Variants in RNF150 observed in about 807,000 individuals in gnomAD.
RNF150 encodes ring finger protein 150.
Under a neutral mutation model 39.3 loss-of-function variants are expected in RNF150, and 24 were observed. The ratio of observed to expected loss-of-function variants is 0.61; its 90% CI spans 0.44 to 0.86. The LOEUF (loss-of-function observed/expected upper bound fraction) is 0.86. Among genes scored for constraint, RNF150 ranks in the 40% least tolerant of loss-of-function variants. The probability of loss-of-function intolerance (pLI) is 0.00; values close to 1 mark genes in which losing one functional copy is unlikely to be tolerated. For missense variants in RNF150, 502 were observed against 587.8 expected, an observed-to-expected ratio of 0.85 and a Z score of 1.51; for synonymous variants, 255 against 227.3, an observed-to-expected ratio of 1.12 and a Z score of -1.10.
At position 141,101,615 on chromosome 4, in the gene RNF150, T is replaced by C. The variant is rs142666910; in HGVS notation, c.484+30710A>G. ...AATCTGTAACATAGCTTTATTATTA[T>C]GTACTGTACATAATTGTATGTGCTA... On this transcript the variant is annotated intron_variant, in intron 1 of 6. Transcript: ENST00000515673. Among the ~76,000 whole-genome samples, 466 of 152,346 alleles carry C rather than the reference T, an allele frequency of 3.1e-3. 1 individual carries two copies. The highest frequency in any genetic ancestry group is 9.9e-3 in the African/African-American group (413 of 41,580).
intron 1 of RNF150, among the ~76,000 whole-genome samples, chr4:141,189,712 C>A (rs1375959241): frequency 6.6e-6 from 1 of 152,134 alleles, no homozygotes; most frequent in African/African-American, 2.4e-5. Context: ...GGGAAAACTA[C>A]CTACTCCAGC....
At chr4:140,938,719 A>C (rs183961443) in intron 4 of RNF150, among the ~76,000 whole-genome samples, 2 of 152,274 alleles carry the variant, frequency 1.3e-5, no homozygotes, top group South Asian at 2.1e-4. Flanking sequence ...CTTGTTTAGA[A>C]AGCTTTACCA....
intron 1 of RNF150, among the ~76,000 whole-genome samples, chr4:141,157,229 T>G (rs1485571785): frequency 6.6e-6 from 1 of 152,032 alleles, no homozygotes; most frequent in African/African-American, 2.4e-5. Flanking sequence ...CCCCCAAAAA[T>G]GTAGGGGTGT....
intron 2 of RNF150, among the ~76,000 whole-genome samples, chr4:140,951,578 A>C (rs1732543282): frequency 6.6e-6 from 1 of 151,376 alleles, no homozygotes; most frequent in Non-Finnish European, 1.5e-5. Context: ...CAAGGAAAAC[A>C]ACCTGAGAAA....
intron 1 of RNF150, among the ~76,000 whole-genome samples, chr4:141,201,459 C>T (rs1041637313): frequency 2.6e-5 from 4 of 152,242 alleles, no homozygotes; most frequent in East Asian, 3.9e-4. Flanking sequence ...TCTGAAGACA[C>T]TGTATGAATG....
At chr4:141,101,956 A>G (rs1318993059) in intron 1 of RNF150, among the ~76,000 whole-genome samples, 1 of 151,812 alleles carries the variant, frequency 6.6e-6, no homozygotes, top group African/African-American at 2.4e-5. Context: ...TTATTTTTGT[A>G]TTTTTAGTAG....
At chr4:141,204,897 T>C (rs1171183945) in intron 1 of RNF150, among the ~76,000 whole-genome samples, 3 of 152,194 alleles carry the variant, frequency 2.0e-5, no homozygotes, top group South Asian at 2.1e-4. Flanking sequence ...AAGGACCTTT[T>C]TCATATAAGC....
chr4:141,126,022 C>T (rs1726742435), intron 1 of RNF150, among the ~76,000 whole-genome samples: 2 of 151,996 alleles, frequency 1.3e-5, no homozygotes, highest in African/African-American at 2.4e-5. Flanking sequence ...ATAACAGAGT[C>T]TAGAATTCCT....
chr4:141,165,672 A>G (rs1727587502), intron 1 of RNF150, among the ~76,000 whole-genome samples: 1 of 152,192 alleles, frequency 6.6e-6, no homozygotes. Context: ...CTACATGGAA[A>G]CTGAACAACC....
intron 5 of RNF150, among the ~76,000 whole-genome samples, chr4:140,913,131 C>A (rs757118867): frequency 1.6e-4 from 24 of 152,016 alleles, no homozygotes; most frequent in Non-Finnish European, 3.1e-4. Context: ...TGTGGTGGTG[C>A]GCACCTGTAG....
intron 1 of RNF150, among the ~76,000 whole-genome samples, chr4:141,153,188 G>C (rs1727329406): frequency 1.3e-5 from 2 of 152,076 alleles, no homozygotes; most frequent in South Asian, 4.1e-4. Context: ...GGGAGGGAGG[G>C]TTAATACAGT....
At chr4:141,062,028 C>T (rs1737250098) in intron 1 of RNF150, among the ~76,000 whole-genome samples, 1 of 152,090 alleles carries the variant, frequency 6.6e-6, no homozygotes. Context: ...ACACTAAATA[C>T]TTTTCCCAAA....
rs561795158 is a variant in RNF150, at chr4:141,145,394, A to G, written c.-6+67400T>C. Among the ~76,000 whole-genome samples the G allele has an allele frequency of 3.6e-3, 556 of 152,386 alleles. 3 individuals carry two copies. The highest frequency in any genetic ancestry group is 0.013 in the African/African-American group (524 of 41,598). The stretch of plus-strand genomic sequence containing the variant: ...GTGGAATATTATGAAGGCTAGCTTA[A>G]TATGATGCTGGAATAAAGAAATAAC... On this transcript the variant is annotated intron_variant, in intron 1 of 7. Transcript: ENST00000420921.
intron 1 of RNF150, among the ~76,000 whole-genome samples, chr4:141,129,193 A>G (rs1389091255): frequency 1.3e-5 from 2 of 152,262 alleles, no homozygotes; most frequent in African/African-American, 4.8e-5. Flanking sequence ...ATAACAATTA[A>G]AAGGTAGAAA....
chr4:140,909,336 A>G (rs143204163), intron 6 of RNF150, among the ~76,000 whole-genome samples: 61 of 152,324 alleles, frequency 4.0e-4, no homozygotes, highest in Admixed American at 7.8e-4. Flanking sequence ...GGCTAGTTAA[A>G]ATTAGTTTTA....
intron 2 of RNF150, among the ~76,000 whole-genome samples, chr4:140,960,324 T>C (rs1732969920): frequency 6.6e-6 from 1 of 152,196 alleles, no homozygotes; most frequent in Non-Finnish European, 1.5e-5. Flanking sequence ...AAGGACTATC[T>C]ATATTTTGGT....
chr4:140,923,119 T>G (rs985745512), intron 5 of RNF150, among the ~76,000 whole-genome samples: 1 of 151,366 alleles, frequency 6.6e-6, no homozygotes, highest in African/African-American at 2.5e-5. Flanking sequence ...AATTGACAAA[T>G]GGGATCTAAT....
intron 1 of RNF150, among the ~76,000 whole-genome samples, chr4:141,208,661 T>C (rs1383451950): frequency 6.6e-6 from 1 of 152,200 alleles, no homozygotes; most frequent in Non-Finnish European, 1.5e-5. Context: ...AGTTAGTAAC[T>C]AAACAGGGTT....
chr4:141,168,622 A>G (rs6818326), intron 1 of RNF150, among the ~76,000 whole-genome samples: 148,012 of 152,272 alleles, frequency 0.97, 72,087 homozygotes, highest in East Asian at 1. Context: ...GCATAAAACT[A>G]GATGAGTTCA....
Sources: gnomAD v4.1 joint callset for allele counts (sites outside exome capture counted in the v4.1 genomes callset) on GRCh38, gnomAD v4.1.1 for gene constraint, MANE v1.5 for transcripts, NCBI Gene and HGNC (gene_info 2026-07-23, HGNC 2026-07-21) for gene names.